TYR: variants seen among roughly 807,000 people sequenced by gnomAD.
TYR encodes the protein tyrosinase.
Under a neutral mutation model 51.5 loss-of-function variants are expected in TYR, and 58 were observed. The ratio of observed to expected loss-of-function variants is 1.13; its 90% CI spans 0.91 to 1.40. TYR has a LOEUF of 1.40. TYR is among the 40% of genes most tolerant of loss of function. The pLI is 0.00. For synonymous variants in TYR, 263 were observed against 235.2 expected, an observed-to-expected ratio of 1.12 and a Z score of -1.08; for missense variants, 732 against 647.4, an observed-to-expected ratio of 1.13 and a Z score of -1.42.
intron 3 of TYR, among the ~76,000 whole-genome samples, chr11:89,229,917 T>C (rs1944024941): frequency 6.6e-6 from 1 of 152,000 alleles, no homozygotes; most frequent in Non-Finnish European, 1.5e-5. Context: ...TAAAAAGATA[T>C]CCTGTATTCA....
intron 3 of TYR, among the ~76,000 whole-genome samples, chr11:89,253,097 T>G (rs1038201537): frequency 2.3e-4 from 35 of 151,720 alleles, no homozygotes; most frequent in Non-Finnish European, 1.5e-5. Context: ...CTAACTTATT[T>G]CAGCTGGATT....
chr11:89,196,486 C>T (rs1486550212), intron 2 of TYR, among the ~76,000 whole-genome samples: 1 of 152,122 alleles, frequency 6.6e-6, no homozygotes, highest in African/African-American at 2.4e-5. Flanking sequence ...ATTCTGAGCA[C>T]AGTGGCTGCC....
chr11:89,210,767 TCTCAGCAGAAACC>T (rs1258547020), intron 2 of TYR, among the ~76,000 whole-genome samples: 1 of 152,178 alleles, frequency 6.6e-6, no homozygotes, highest in Non-Finnish European at 1.5e-5. Context: ...ACAGCAGATC[TCTCAGCAGAAACC>T]CTATAAGCCA....
intron 2 of TYR, among the ~76,000 whole-genome samples, chr11:89,210,399 A>G (rs1943738080): frequency 8.7e-6 from 1 of 115,248 alleles, no homozygotes; most frequent in Non-Finnish European, 1.8e-5. Context: ...AGTAAGAAAT[A>G]AAGTAAGAAG....
At chr11:89,284,997 T>A in intron 4 of TYR, 43 bp downstream of exon 4, 3 of 1,547,602 alleles carry the variant, frequency 1.9e-6, no homozygotes, top group South Asian at 1.1e-5. Context: ...AATCTAGTGT[T>A]ACCAATTTAT....
intron 4 of TYR, among the ~76,000 whole-genome samples, chr11:89,288,795 T>G (rs556546988): frequency 1.3e-4 from 19 of 151,974 alleles, no homozygotes; most frequent in Non-Finnish European, 2.1e-4. Flanking sequence ...TATTTTCTAT[T>G]TTATGAATTT....
At position 89,295,237 on chromosome 11, in the gene TYR, C is replaced by A. The variant is rs766773844; in HGVS notation, c.1461C>A (p.Val487=). 1 of 1,613,982 alleles carries A rather than the reference C, an allele frequency of 6.2e-7. No homozygotes were observed. The highest frequency in any genetic ancestry group is 1.1e-5 in the South Asian group (1 of 91,072). The change falls in exon 5 of 5, where the codon GTC becomes GTA. Residue 487 remains valine, a synonymous_variant. Transcript: ENST00000263321. ...WLLGAAMVGA[V]LTALLAGLVS... ...TTGGGGCGGCGATGGTAGGGGCCGT[C>A]CTCACTGCCCTGCTGGCAGGGCTTG... is the stretch of plus-strand genomic sequence containing the variant.
intron 2 of TYR, among the ~76,000 whole-genome samples, chr11:89,198,350 T>C (rs963495923): frequency 6.6e-6 from 1 of 152,144 alleles, no homozygotes; most frequent in Non-Finnish European, 1.5e-5. Context: ...CTAAACTATT[T>C]CCCTAGTATC....
chr11:89,189,498 A>G (rs916151209), intron 1 of TYR, among the ~76,000 whole-genome samples: 3 of 152,070 alleles, frequency 2.0e-5, no homozygotes, highest in Admixed American at 6.6e-5. Context: ...AAAGCACAAA[A>G]TGAAACTATT....
chr11:89,235,356 A>C (rs751091697), intron 3 of TYR, among the ~76,000 whole-genome samples: 48 of 152,190 alleles, frequency 3.2e-4, no homozygotes, highest in Non-Finnish European at 5.6e-4. Flanking sequence ...CAGTATGTCA[A>C]AGAGTTATTT....
Position 89,225,382 on chromosome 11 carries a change from CCTAT to C in TYR, c.1037-2437_1037-2434del, listed in dbSNP as rs1337238082. On this transcript the variant is annotated intron_variant, in intron 2 of 4. Coordinates refer to ENST00000263321, the MANE Select transcript of TYR (RefSeq NM_000372.5). ...TCATAGATCTCCTGAACTTATTCCT[CCTAT>C]CTAACAAAAAATTTGTATCCTTAGA... 2.6e-5 allele frequency among the ~76,000 whole-genome samples: 4 copies of C among 151,862 alleles called. No homozygotes were observed. In the South Asian group the frequency reaches 6.2e-4, roughly 24 times the overall value.
At chr11:89,198,847 G>A (rs1943559446) in intron 2 of TYR, among the ~76,000 whole-genome samples, 1 of 151,816 alleles carries the variant, frequency 6.6e-6, no homozygotes, top group Admixed American at 6.6e-5. Context: ...CCATGTTGGT[G>A]TGTGCTGCAC....
chr11:89,280,755 T>A (rs942222233), intron 3 of TYR, among the ~76,000 whole-genome samples: 2 of 151,602 alleles, frequency 1.3e-5, no homozygotes, highest in African/African-American at 4.8e-5. Flanking sequence ...TTAAAAGCCA[T>A]ATGTTTTATT....
rs1377064834 is a variant in TYR, at chr11:89,191,431, T to A, written c.1036+13T>A. 12 of 1,609,938 alleles carry A rather than the reference T, an allele frequency of 7.5e-6. No homozygotes were observed. In the Middle Eastern group the frequency reaches 1.5e-3, roughly 199 times the overall value. On this transcript the variant is annotated intron_variant, in intron 2 of 4. Coordinates refer to ENST00000263321, the MANE Select transcript of TYR (RefSeq NM_000372.5). ...AATACACTGGAAGGTAATCTCTTTCTTTTCACTTTTAATTTTTTTTCTGAA... is the reference window on the plus strand; with the variant it reads ...AATACACTGGAAGGTAATCTCTTTCATTTCACTTTTAATTTTTTTTCTGAA...
At chr11:89,239,055 C>T (rs1944158156) in intron 3 of TYR, among the ~76,000 whole-genome samples, 1 of 152,100 alleles carries the variant, frequency 6.6e-6, no homozygotes, top group South Asian at 2.1e-4. Flanking sequence ...TTGTCATACT[C>T]TCCTAGTCTG....
intron 1 of TYR, among the ~76,000 whole-genome samples, chr11:89,188,391 T>C (rs1348709287): frequency 6.6e-6 from 1 of 152,062 alleles, no homozygotes; most frequent in Non-Finnish European, 1.5e-5. Flanking sequence ...AAATCAATCA[T>C]TCTATGAGAG....
intron 3 of TYR, among the ~76,000 whole-genome samples, chr11:89,258,253 G>C (rs1257945786): frequency 2.0e-5 from 3 of 151,866 alleles, no homozygotes. Flanking sequence ...TATGACACCT[G>C]ATACCTTGAA....
chr11:89,291,375 A>G (rs986956790), intron 4 of TYR, among the ~76,000 whole-genome samples: 1 of 151,986 alleles, frequency 6.6e-6, no homozygotes. Flanking sequence ...TTTTTTTACT[A>G]TGCATTATCT....
chr11:89,256,713 A>G (rs1944395856), intron 3 of TYR, among the ~76,000 whole-genome samples: 1 of 151,898 alleles, frequency 6.6e-6, no homozygotes, highest in African/African-American at 2.4e-5. Flanking sequence ...AGTAAGAGAT[A>G]TTAGAATCTA....
Sources: gnomAD v4.1 joint callset for allele counts (sites outside exome capture counted in the v4.1 genomes callset) on GRCh38, gnomAD v4.1.1 for gene constraint, MANE v1.5 for transcripts, NCBI Gene and HGNC (gene_info 2026-07-23, HGNC 2026-07-21) for gene names.